Variants in PAPOLG observed in about 807,000 individuals in gnomAD.
PAPOLG encodes poly(A) polymerase gamma.
Under a neutral mutation model 99.0 loss-of-function variants are expected in PAPOLG, and 40 were observed. The observed-to-expected ratio is 0.40, with a 90% CI of 0.31 to 0.53. PAPOLG has a LOEUF of 0.53. PAPOLG is among the 20% of genes least tolerant of loss of function. The pLI is 0.41. For synonymous variants in PAPOLG, 310 were observed against 299.3 expected, an observed-to-expected ratio of 1.04 and a Z score of -0.37; for missense variants, 675 against 884.1, an observed-to-expected ratio of 0.76 and a Z score of 3.00.
At chr2:60,773,321 C>T (rs1670912904) in intron 7 of PAPOLG, among the ~76,000 whole-genome samples, 1 of 152,196 alleles carries the variant, frequency 6.6e-6, no homozygotes, top group African/African-American at 2.4e-5. Flanking sequence ...CCCTTCCAAT[C>T]CGCAGTCCCA....
Position 60,760,046 on chromosome 2 carries a change from A to G in PAPOLG, c.18-88A>G. The G allele has an allele frequency of 2.2e-6, 3 of 1,348,694 alleles. No individual in the cohort carries two copies. In the South Asian group the frequency reaches 4.1e-5, roughly 18 times the overall value. 83.5% of individuals were successfully genotyped at this position (1,348,694 alleles called of 1,614,324 possible). Reference sequence around the variant, plus strand: ...CTAAGTAAACTTTTAAGGTAGCTAAATTAACATGAGTAGATTGAGAGATTC... The same window carrying G: ...CTAAGTAAACTTTTAAGGTAGCTAAGTTAACATGAGTAGATTGAGAGATTC... On this transcript the variant is annotated intron_variant, in intron 1 of 21. Coordinates refer to ENST00000238714, the MANE Select transcript of PAPOLG (RefSeq NM_022894.4).
intron 1 of PAPOLG, 101 bp from the exon 2 acceptor site, chr2:60,760,033 T>G: frequency 8.1e-7 from 1 of 1,229,846 alleles, no homozygotes; most frequent in Non-Finnish European, 1.1e-6. Flanking sequence ...AAGTAAACTT[T>G]TAAGGTAGCT....
At chr2:60,782,886 T>C (rs1452425585) in intron 12 of PAPOLG, 116 bp downstream of exon 12, 13 of 1,250,186 alleles carry the variant, frequency 1.0e-5, no homozygotes, top group Non-Finnish European at 1.4e-5. Flanking sequence ...CAAGAGAGAA[T>C]AGATTAACAA....
chr2:60,785,391 C>G (rs1455396462), intron 13 of PAPOLG, among the ~76,000 whole-genome samples: 1 of 152,206 alleles, frequency 6.6e-6, no homozygotes, highest in Non-Finnish European at 1.5e-5. Flanking sequence ...CCCACCTTGG[C>G]CTCCCAGAGT....
chr2:60,777,226 C>T (rs757425121), intron 8 of PAPOLG, among the ~76,000 whole-genome samples: 8 of 152,076 alleles, frequency 5.3e-5, no homozygotes, highest in African/African-American at 9.7e-5. Context: ...GAGGCCGAGG[C>T]GAGCGGATCA....
In PAPOLG at chr2:60,781,925, C is replaced by G; in HGVS notation, c.947C>G (p.Thr316Ser). ...AGGTATCATCTCATGCCCATAATCA[C>G]CCCTGCCTACCCACAACAGAATTCT... ...SDRYHLMPII[T>S]PAYPQQNSTY... Residue 316 changes from threonine to serine, a missense_variant, in exon 11 of 22, where the codon ACC becomes AGC. Thr to Ser is a moderately conservative substitution (Grantham distance 58). Coordinates refer to ENST00000238714, the MANE Select transcript of PAPOLG (RefSeq NM_022894.4). 1 of 1,613,740 alleles carries G rather than the reference C, an allele frequency of 6.2e-7. No individual in the cohort carries two copies. The highest frequency in any genetic ancestry group is 8.5e-7 in the Non-Finnish European group (1 of 1,179,682).
At chr2:60,767,981 T>A (rs1191693923) in intron 3 of PAPOLG, among the ~76,000 whole-genome samples, 1 of 152,262 alleles carries the variant, frequency 6.6e-6, no homozygotes, top group Non-Finnish European at 1.5e-5. Flanking sequence ...GGGAATACCC[T>A]TATTACTTCA....
At position 60,795,041 on chromosome 2, in the gene PAPOLG, A is replaced by G. The variant is rs753476861; in HGVS notation, c.2112+21A>G. On this transcript the variant is annotated intron_variant, in intron 21 of 21. Coordinates refer to ENST00000238714, the MANE Select transcript of PAPOLG (RefSeq NM_022894.4). ...AAAAGGTAACAAGATAGTCTTGTTCATAGGTACAGTACATAGGTAAAAACT... is the reference window on the plus strand; with the variant it reads ...AAAAGGTAACAAGATAGTCTTGTTCGTAGGTACAGTACATAGGTAAAAACT... 8.3e-6 allele frequency: 13 copies of G among 1,575,162 alleles called. No individual in the cohort carries two copies. The East Asian group carries it at 2.7e-4, about 33-fold the overall frequency.
chr2:60,771,822 A>C (rs1352406929), intron 7 of PAPOLG, among the ~76,000 whole-genome samples, 192 bp downstream of exon 7: 1 of 152,190 alleles, frequency 6.6e-6, no homozygotes, highest in Non-Finnish European at 1.5e-5. Flanking sequence ...GTGTATATTT[A>C]TATTACTGGT....
At chr2:60,775,001 C>G (rs746258123) in intron 7 of PAPOLG, 33 bp from the exon 8 acceptor site, 1 of 1,610,840 alleles carries the variant, frequency 6.2e-7, no homozygotes, top group Non-Finnish European at 8.5e-7. Context: ...GAATTTGCTG[C>G]ATAGTGAAAA....
intron 7 of PAPOLG, among the ~76,000 whole-genome samples, 197 bp from the exon 8 acceptor site, chr2:60,774,837 G>T (rs1200504940): frequency 6.6e-6 from 1 of 152,156 alleles, no homozygotes; most frequent in Non-Finnish European, 1.5e-5. Flanking sequence ...ATTTTGGATT[G>T]CATTACCCAT....
intron 8 of PAPOLG, among the ~76,000 whole-genome samples, chr2:60,777,021 A>G (rs1009840388): frequency 6.6e-6 from 1 of 152,204 alleles, no homozygotes; most frequent in Non-Finnish European, 1.5e-5. Context: ...AATCTTCACT[A>G]GCTTCAGACT....
At chr2:60,774,084 T>C (rs1011336207) in intron 7 of PAPOLG, among the ~76,000 whole-genome samples, 4 of 148,532 alleles carry the variant, frequency 2.7e-5, no homozygotes, top group African/African-American at 4.9e-5. Flanking sequence ...TGTTGCCCCA[T>C]GTGTTTTTTG....
Position 60,799,285 on chromosome 2 carries a change from G to A in PAPOLG, c.*2125G>A, listed in dbSNP as rs1399420923. 2 of 152,278 alleles carry A rather than the reference G, an allele frequency of 1.3e-5. No homozygotes were observed. Among genetic ancestry groups the A allele is most frequent in the African/African-American group, 4.8e-5 (2 of 41,426 alleles). 9.4% of individuals were successfully genotyped at this position (152,278 alleles called of 1,614,324 possible). ...ACTAGTGGAGTTTTTCTTTAATAAG[G>A]AAGCAACAAGTCTAACCTTGTACTA... On this transcript the variant is annotated 3_prime_UTR_variant, in exon 22 of 22. Transcript: ENST00000238714.
At chr2:60,782,539 AGAGT>A (rs1214538603) in intron 11 of PAPOLG, 143 bp from the exon 12 acceptor site, 1 of 1,275,558 alleles carries the variant, frequency 7.8e-7, no homozygotes, top group African/African-American at 1.6e-5. Context: ...CCTGGGTGAC[AGAGT>A]GAGACTCTGT....
chr2:60,787,162 A>G (rs1180432478), intron 14 of PAPOLG, 96 bp downstream of exon 14: 15 of 1,076,170 alleles, frequency 1.4e-5, no homozygotes, highest in Non-Finnish European at 1.8e-5. Flanking sequence ...TTTAACAGGC[A>G]TTGATGGGAG....
chr2:60,776,004 C>A (rs1236176595), intron 8 of PAPOLG, among the ~76,000 whole-genome samples: 1 of 152,166 alleles, frequency 6.6e-6, no homozygotes, highest in African/African-American at 2.4e-5. Context: ...ACCTTGTGAT[C>A]CGCTCGCCTC....
Position 60,771,598 on chromosome 2 carries a change from G to A in PAPOLG, c.572G>A (p.Ser191Asn), listed in dbSNP as rs1325692273. ...LDLRDDSRLRSLDIRCIRSLN... is the reference protein window; with the variant it reads ...LDLRDDSRLRNLDIRCIRSLN... ...CTAAGAGACGACTCTCGCCTGAGAAGCCTTGATATAAGGTGTATTCGCAGC... is the reference window on the plus strand; with the variant it reads ...CTAAGAGACGACTCTCGCCTGAGAAACCTTGATATAAGGTGTATTCGCAGC... The change falls in exon 7 of 22, where the codon AGC becomes AAC. Residue 191 changes from serine (S) to asparagine (N), a missense_variant. By Grantham distance (46) the Ser-to-Asn change is conservative (BLOSUM62 1). This residue lies in a region of PAPOLG where 113 missense variants were observed against 231.5 expected (regional missense o/e 0.49). Transcript: ENST00000238714. 1.9e-6 allele frequency: 3 copies of A among 1,607,914 alleles called. No individual in the cohort carries two copies. The highest frequency in any genetic ancestry group is 1.7e-5 in the Admixed American group (1 of 58,462).
At chr2:60,759,422 G>A (rs1378779976) in intron 1 of PAPOLG, among the ~76,000 whole-genome samples, 8 of 152,026 alleles carry the variant, frequency 5.3e-5, no homozygotes, top group Non-Finnish European at 8.8e-5. Flanking sequence ...ATTCAAGACC[G>A]TAGTTTCTTG....
Sources: gnomAD v4.1 joint callset for allele counts (sites outside exome capture counted in the v4.1 genomes callset) on GRCh38, gnomAD v4.1.1 for gene constraint, gnomAD v4.1.1 regional missense constraint, MANE v1.5 for transcripts, NCBI Gene and HGNC (gene_info 2026-07-23, HGNC 2026-07-21) for gene names.